Variants in ACADS observed in about 807,000 individuals in gnomAD.
ACADS encodes the protein short-chain specific acyl-CoA dehydrogenase, mitochondrial.
In ACADS, 28 loss-of-function variants were observed where a neutral mutation model predicts 46.8. That is an observed-to-expected ratio of 0.60 (90% CI 0.44 to 0.82). The LOEUF (loss-of-function observed/expected upper bound fraction) is 0.82. Ranked by LOEUF, ACADS falls within the 40% of genes least tolerant of loss-of-function variation. The probability of loss-of-function intolerance (pLI) is 0.00; values close to 1 mark genes in which losing one functional copy is unlikely to be tolerated. For missense variants in ACADS, 528 were observed against 578.0 expected (o/e 0.91, Z 0.89); for synonymous variants, 236 against 237.7 (o/e 0.99, Z 0.07).
intron 2 of ACADS, among the ~76,000 whole-genome samples, chr12:120,735,348 TAAAAAAAAA>T (rs756263687): frequency 4.2e-5 from 3 of 72,270 alleles, no homozygotes; most frequent in Admixed American, 1.8e-4. Context: ...GCGCAGTCCT[TAAAAAAAAA>T]AAAAAAAAAA....
chr12:120,726,055 G>A (rs1883073709), intron 1 of ACADS, 124 bp downstream of exon 1: 4 of 1,037,104 alleles, frequency 3.9e-6, no homozygotes, highest in Non-Finnish European at 5.3e-6. Flanking sequence ...GAGCGCTCAC[G>A]GCCTTTGCCC....
At chr12:120,733,485 C>T (rs1883330526) in intron 2 of ACADS, among the ~76,000 whole-genome samples, 2 of 152,072 alleles carry the variant, frequency 1.3e-5, no homozygotes, top group Non-Finnish European at 2.9e-5. Flanking sequence ...AGGTCCTCTT[C>T]CTAGTGAAAA....
At chr12:120,732,719 G>A (rs1883295683) in intron 2 of ACADS, among the ~76,000 whole-genome samples, 3 of 151,072 alleles carry the variant, frequency 2.0e-5, no homozygotes, top group Non-Finnish European at 1.5e-5. Context: ...CCGGGAAGAG[G>A]CGCTCCTCAC....
At chr12:120,734,276 C>T (rs987750659) in intron 2 of ACADS, among the ~76,000 whole-genome samples, 13 of 152,310 alleles carry the variant, frequency 8.5e-5, no homozygotes, top group African/African-American at 2.6e-4. Context: ...ACATCTTGGG[C>T]GGTTGCTGTC....
At position 120,732,915 on chromosome 12, in the gene ACADS, A is replaced by AC. The variant is rs1332839762; in HGVS notation, c.211-4070dup. Among the ~76,000 whole-genome samples the AC allele has an allele frequency of 6.6e-5, 10 of 152,380 alleles. No homozygotes were observed. In the South Asian group the frequency reaches 2.1e-3, roughly 32 times the overall value. ...TAGCGAGCTGAGATCAAGCCACTGC[A>AC]CTCCAGCCTGGGCAACATTGAGCAC... On this transcript the variant is annotated intron_variant, in intron 2 of 9. Coordinates refer to ENST00000242592, the MANE Select transcript of ACADS (RefSeq NM_000017.4).
intron 2 of ACADS, among the ~76,000 whole-genome samples, chr12:120,729,445 A>C (rs1279575091): frequency 6.6e-6 from 1 of 151,668 alleles, no homozygotes; most frequent in East Asian, 1.9e-4. Flanking sequence ...TTTAGTAGAG[A>C]TGGGGTTTCA....
chr12:120,739,378 T>A lies in ACADS; in HGVS notation c.1169T>A (p.Ile390Asn), dbSNP rs773646063. The change falls in exon 10 of 10, where the codon ATC (isoleucine) becomes AAC (asparagine). Residue 390 changes from isoleucine (I) to asparagine (N), a missense_variant. Ile to Asn is a moderately radical substitution (Grantham distance 149). Coordinates refer to ENST00000242592, the MANE Select transcript of ACADS (RefSeq NM_000017.4). ...TACCGCGACGCCCGCATCACTGAGA[T>A]CTACGAGGGCACCAGCGAAATCCAG... ...RHYRDARITE[I>N]YEGTSEIQRL... 2 of 1,612,868 alleles carry A rather than the reference T, an allele frequency of 1.2e-6. No individual in the cohort carries two copies.
chr12:120,738,612 A>G lies in ACADS; in HGVS notation c.875A>G (p.Asn292Ser). ...IAQTALDCAVNYAENRMAFGA... is the reference protein window; with the variant it reads ...IAQTALDCAVSYAENRMAFGA... ...CAGACCGCCCTCGATTGTGCTGTGA[A>G]CTACGCTGAGAATCGCATGGCCTTC... The change falls in exon 7 of 10, where the codon AAC becomes AGC. Residue 292 changes from asparagine (N) to serine (S), a missense_variant. Transcript: ENST00000242592. 1.9e-6 allele frequency: 3 copies of G among 1,613,392 alleles called. No individual in the cohort carries two copies. The highest frequency in any genetic ancestry group is 2.5e-6 in the Non-Finnish European group (3 of 1,180,014).
At chr12:120,732,305 G>C (rs1188378181) in intron 2 of ACADS, among the ~76,000 whole-genome samples, 1 of 150,152 alleles carries the variant, frequency 6.7e-6, no homozygotes. Flanking sequence ...CTGGCCGGGC[G>C]GGGGCTGCCC....
rs1472931947 is a variant in ACADS at position 120,726,070 on chromosome 12, TCTG to T, written c.46+145_46+147del. 1.1e-5 allele frequency: 10 copies of T among 900,222 alleles called. No individual in the cohort carries two copies. In the Admixed American group the frequency reaches 3.0e-4, roughly 27 times the overall value. The allele number at this position is 900,222 out of a possible 1,614,324, so 55.8% of individuals were successfully genotyped here. A position where few individuals can be genotyped will look rare whatever the true frequency, so the allele number is the denominator to read the frequency against. On this transcript the variant is annotated intron_variant, in intron 1 of 9. Transcript: ENST00000242592. ...GAGCGCTCACGGCCTTTGCCCCAGT[TCTG>T]CTGCTCCTTGCGCCGACCCAGCCCG... is the stretch of plus-strand genomic sequence containing the variant.
At chr12:120,738,129 G>A (rs1366254564) in intron 5 of ACADS, 141 bp downstream of exon 5, 1 of 1,567,998 alleles carries the variant, frequency 6.4e-7, no homozygotes, top group South Asian at 1.1e-5. Context: ...AGCTGCCACT[G>A]AAGCCTGCAC....
chr12:120,727,825 CA>C (rs1022547556), intron 2 of ACADS, among the ~76,000 whole-genome samples: 5 of 152,122 alleles, frequency 3.3e-5, no homozygotes, highest in African/African-American at 1.2e-4. Context: ...TGTGAGACAC[CA>C]CGCCCGGCCA....
intron 2 of ACADS, among the ~76,000 whole-genome samples, chr12:120,729,494 G>A (rs1347917242): frequency 6.6e-6 from 1 of 151,998 alleles, no homozygotes; most frequent in Non-Finnish European, 1.5e-5. Context: ...CTGACCTCAG[G>A]TGACCTGGCT....
intron 8 of ACADS, 25 bp from the exon 9 acceptor site, chr12:120,739,115 G>A (rs1245780058): frequency 6.2e-7 from 1 of 1,613,054 alleles, no homozygotes; most frequent in East Asian, 2.2e-5. Context: ...TCAAGGGAAG[G>A]CTCTGACTGT....
At position 120,739,469 on chromosome 12, in the gene ACADS, G is replaced by T. The variant is rs3916; in HGVS notation, c.*21G>T. ...GCTGAGCCCGCGGCGGACTGCCCCAGGACTGCGGGAAGGCGCGGGAGCCAG... is the reference window on the plus strand; with the variant it reads ...GCTGAGCCCGCGGCGGACTGCCCCATGACTGCGGGAAGGCGCGGGAGCCAG... On this transcript the variant is annotated 3_prime_UTR_variant, in exon 10 of 10. Coordinates refer to ENST00000242592, the MANE Select transcript of ACADS (RefSeq NM_000017.4). The T allele has an allele frequency of 5.6e-6, 9 of 1,600,178 alleles. No individual in the cohort carries two copies. The highest frequency in any genetic ancestry group is 7.6e-6 in the Non-Finnish European group (9 of 1,176,982).
chr12:120,734,573 T>C (rs1280698153), intron 2 of ACADS, among the ~76,000 whole-genome samples: 1 of 152,112 alleles, frequency 6.6e-6, no homozygotes, highest in Non-Finnish European at 1.5e-5. Context: ...ACAGAAGTGC[T>C]GCAGGCTCCT....
chr12:120,735,644 T>C (rs954726097), intron 2 of ACADS, among the ~76,000 whole-genome samples: 2 of 152,016 alleles, frequency 1.3e-5, no homozygotes, highest in African/African-American at 4.8e-5. Context: ...CTCACACCTG[T>C]AATCCCAGCA....
intron 2 of ACADS, among the ~76,000 whole-genome samples, chr12:120,733,549 GGTGCCTGCT>G (rs1883337250): frequency 2.3e-4 from 1 of 4,410 alleles, no homozygotes; most frequent in African/African-American, 1.3e-3. Flanking sequence ...CTGCTGAAAT[GGTGCCTGCT>G]GAAATGGTGC....
chr12:120,726,175 C>G (rs1883077788), intron 1 of ACADS, among the ~76,000 whole-genome samples: 1 of 151,572 alleles, frequency 6.6e-6, no homozygotes, highest in African/African-American at 2.4e-5. Context: ...GTTCCCAGTT[C>G]CCATATCTCC....
Sources: gnomAD v4.1 joint callset for allele counts (sites outside exome capture counted in the v4.1 genomes callset) on GRCh38, gnomAD v4.1.1 for gene constraint, MANE v1.5 for transcripts, NCBI Gene and HGNC (gene_info 2026-07-23, HGNC 2026-07-21) for gene names.